The following MRPL43 variants were observed in gnomAD, a reference collection of about 807,000 sequenced individuals.
The protein encoded by MRPL43 is large ribosomal subunit protein mL43.
A neutral mutation model predicts 12.7 loss-of-function variants in MRPL43; 9 were observed. The ratio of observed to expected loss-of-function variants is 0.71; its 90% confidence interval spans 0.43 to 1.24. MRPL43 has a LOEUF of 1.24. Among genes scored for constraint, MRPL43 ranks in the 50% most tolerant of loss-of-function variants. MRPL43 has a pLI of 0.00. For synonymous variants in MRPL43, 116 were observed against 96.4 expected, an observed-to-expected ratio of 1.20 and a Z score of -1.19; for missense variants, 211 against 229.2, an observed-to-expected ratio of 0.92 and a Z score of 0.51.
At chr10:100,980,607 C>T (rs781235374), downstream of MRPL43, 1 of 1,614,202 alleles carries the variant, frequency 6.2e-7, no homozygotes, top group Non-Finnish European at 8.5e-7. Context: ...GGCCGTAGTC[C>T]TGGGCTCTGG....
chr10:100,979,281 G>C, downstream of MRPL43: 1 of 1,614,196 alleles, frequency 6.2e-7, no homozygotes, highest in Non-Finnish European at 8.5e-7. Context: ...GGTCAGTGCA[G>C]GGACAATCGG....
downstream of MRPL43, chr10:100,978,037 T>C: frequency 3.5e-6 from 2 of 574,512 alleles, no homozygotes; most frequent in South Asian, 4.1e-5. Context: ...CAGGATGGGC[T>C]AGGGGCTCAG....
downstream of MRPL43, chr10:100,983,216 C>T: frequency 7.2e-7 from 1 of 1,392,550 alleles, no homozygotes; most frequent in South Asian, 1.5e-5. Context: ...GTGCTTGGTG[C>T]CAGGGACTTG....
downstream of MRPL43, chr10:100,979,768 T>G: frequency 2.6e-6 from 4 of 1,552,006 alleles, no homozygotes; most frequent in Non-Finnish European, 2.6e-6. Context: ...AGGGTAACAG[T>G]GAGCTTCAGG....
chr10:100,985,335 A>C, downstream of MRPL43: 2 of 158,754 alleles, frequency 1.3e-5, no homozygotes, highest in Non-Finnish European at 2.8e-5. Flanking sequence ...CTAGGCCTAT[A>C]TGGGACAATC....
downstream of MRPL43, chr10:100,984,931 T>G (rs1314573273): frequency 4.0e-5 from 57 of 1,441,904 alleles, 1 homozygote; most frequent in Admixed American, 1.5e-3. Flanking sequence ...CCCATGCACA[T>G]GTGGTAACAC....
downstream of MRPL43, chr10:100,978,886 C>G (rs907505061): frequency 6.2e-7 from 1 of 1,614,190 alleles, no homozygotes; most frequent in East Asian, 2.2e-5. Flanking sequence ...TGCGGGAGAG[C>G]AAGGCCAGTG....
downstream of MRPL43, chr10:100,979,957 T>C (rs1200907162): frequency 6.2e-7 from 1 of 1,613,990 alleles, no homozygotes; most frequent in East Asian, 2.2e-5. Flanking sequence ...CTGGGGTCGC[T>C]ATGAGGGTGG....
chr10:100,978,107 A>C (rs932663557), downstream of MRPL43: 3 of 593,880 alleles, frequency 5.1e-6, no homozygotes, highest in Non-Finnish European at 9.0e-6. Context: ...TTGGAACTCC[A>C]AACATACATT....
chr10:100,978,491 G>C, downstream of MRPL43: 1 of 1,604,770 alleles, frequency 6.2e-7, no homozygotes, highest in Non-Finnish European at 8.5e-7. Flanking sequence ...TGTTGAATAT[G>C]ACATGTCTCT....
downstream of MRPL43, chr10:100,981,192 G>A (rs190201835): frequency 1.9e-6 from 3 of 1,614,276 alleles, no homozygotes; most frequent in East Asian, 6.7e-5. Flanking sequence ...AGGACATAGA[G>A]AGAGGAAATC....
chr10:100,986,506 A>G lies in MRPL43; in HGVS notation c.*228T>C. 6.4e-7 allele frequency: 1 copy of G among 1,550,742 alleles called. No homozygotes were observed. Among genetic ancestry groups the G allele is most frequent in the South Asian group, 1.2e-5 (1 of 84,120 alleles). ...AAACCCTTGAAGTCTTCCTCATCTC[A>G]GGTTTTAGGGATGCCACTTGCATAA... On this transcript the variant is annotated 3_prime_UTR_variant, in exon 3 of 3. Coordinates refer to ENST00000318364, the MANE Select transcript of MRPL43 (RefSeq NM_032112.3).
At chr10:100,980,113 C>T (rs1416480817), downstream of MRPL43, 9 of 1,613,982 alleles carry the variant, frequency 5.6e-6, no homozygotes, top group Admixed American at 1.5e-4. Flanking sequence ...CCTTCGTCCC[C>T]CACGCCAGTG....
At chr10:100,983,381 C>A (rs549851109), downstream of MRPL43, 11 of 1,609,922 alleles carry the variant, frequency 6.8e-6, no homozygotes, top group South Asian at 1.2e-4. Context: ...AGCCATCCAA[C>A]CTGGCCCGGG....
chr10:100,977,836 TTTA>T, downstream of MRPL43: 2 of 975,790 alleles, frequency 2.0e-6, no homozygotes, highest in Non-Finnish European at 3.3e-6. Context: ...AGACGGATGG[TTTA>T]TTAAGGGGAC....
chr10:100,983,334 G>A (rs1589998314), downstream of MRPL43: 2 of 1,580,504 alleles, frequency 1.3e-6, no homozygotes, highest in Non-Finnish European at 1.7e-6. Context: ...GACCCGCTCT[G>A]TGCTCCGGGG....
chr10:100,979,282 G>A (rs866156478), downstream of MRPL43: 16 of 1,614,048 alleles, frequency 9.9e-6, no homozygotes, highest in African/African-American at 1.9e-4. Flanking sequence ...GTCAGTGCAG[G>A]GACAATCGGG....
chr10:100,986,999 G>A (rs1228013355), intron 2 of MRPL43, 24 bp from the exon 3 acceptor site: 3 of 1,604,858 alleles, frequency 1.9e-6, no homozygotes, highest in African/African-American at 2.7e-5. Context: ...GGTGAGAGTG[G>A]GTGGAAGCTG....
chr10:100,986,721 G>T lies in MRPL43; in HGVS notation c.*13C>A. On this transcript the variant is annotated 3_prime_UTR_variant, in exon 3 of 3. Transcript: ENST00000318364. ...AGTCCAAAGCCTGGGGCTGCAGTTG[G>T]TGGGGCAACTCTTCACTGTGCTTGC... 1 of 1,613,974 alleles carries T rather than the reference G, an allele frequency of 6.2e-7. No individual in the cohort carries two copies. The highest frequency in any genetic ancestry group is 8.5e-7 in the Non-Finnish European group (1 of 1,179,964).
Sources: allele counts gnomAD v4.1 joint callset, GRCh38; gene constraint gnomAD v4.1.1; transcripts MANE v1.5; gene names NCBI Gene and HGNC (gene_info 2026-07-23, HGNC 2026-07-21).